The following AFF1 variants were observed in gnomAD, a reference collection of about 807,000 sequenced individuals.
AFF1 encodes the protein AF4/FMR2 family member 1.
A neutral mutation model predicts 121.7 loss-of-function variants in AFF1; 48 were observed. The ratio of observed to expected loss-of-function variants is 0.39; its 90% CI spans 0.31 to 0.50. The LOEUF (loss-of-function observed/expected upper bound fraction) is 0.50. AFF1 is among the 20% of genes least tolerant of loss of function. The pLI is 0.76. For synonymous variants in AFF1, 613 were observed against 563.0 expected (o/e 1.09, Z -1.26); for missense variants, 1,523 against 1,511.7 (o/e 1.01, Z -0.12).
chr4:87,038,361 A>G (rs1729774471), intron 2 of AFF1, among the ~76,000 whole-genome samples: 1 of 152,222 alleles, frequency 6.6e-6, no homozygotes, highest in Non-Finnish European at 1.5e-5. Flanking sequence ...GCCTTCAGAC[A>G]TGGAGTCACT....
In AFF1 at chr4:87,047,465, C is replaced by T. The variant is rs765920227; in HGVS notation, c.930C>T (p.Ala310=). The T allele has an allele frequency of 1.9e-6, 3 of 1,614,120 alleles. No homozygotes were observed. The South Asian group carries it at 3.3e-5, about 18-fold the overall frequency. ...YVRPMDGQDQ[A]PSESPELKPL... Reference sequence around the variant, plus strand: ...GGCCCATGGATGGTCAAGATCAGGCCCCTAGTGAATCCCCTGAACTGAAAC... The same window carrying T: ...GGCCCATGGATGGTCAAGATCAGGCTCCTAGTGAATCCCCTGAACTGAAAC... Residue 310 remains alanine, a synonymous_variant, in exon 4 of 21, where the codon GCC becomes GCT. Transcript: ENST00000395146.
At chr4:87,066,842 C>T (rs1329636719) in intron 4 of AFF1, among the ~76,000 whole-genome samples, 2 of 152,182 alleles carry the variant, frequency 1.3e-5, no homozygotes, top group African/African-American at 2.4e-5. Context: ...TCATCCTCAT[C>T]CCCTAGAGCC....
intron 4 of AFF1, among the ~76,000 whole-genome samples, chr4:87,049,414 T>TA (rs1731051983): frequency 6.6e-6 from 1 of 152,204 alleles, no homozygotes; most frequent in Non-Finnish European, 1.5e-5. Flanking sequence ...CCTGTTAACT[T>TA]ACTGTTTTCT....
intron 4 of AFF1, among the ~76,000 whole-genome samples, chr4:87,075,097 A>G (rs1157620213): frequency 2.0e-5 from 3 of 152,246 alleles, no homozygotes; most frequent in Non-Finnish European, 2.9e-5. Flanking sequence ...CCTCACTGGT[A>G]TAATCAAAAT....
chr4:87,128,741 T>C (rs1728537254), intron 16 of AFF1, among the ~76,000 whole-genome samples: 1 of 152,248 alleles, frequency 6.6e-6, no homozygotes. Context: ...GTTGATTCCT[T>C]ACCATGCTCA....
intron 1 of AFF1, among the ~76,000 whole-genome samples, chr4:86,941,593 A>G (rs1720462021): frequency 6.6e-6 from 1 of 152,164 alleles, no homozygotes; most frequent in Non-Finnish European, 1.5e-5. Context: ...TGGAGGTTGC[A>G]GTGAGCCAAG....
Position 87,122,295 on chromosome 4 carries a change from A to G in AFF1, c.2467-2742A>G, listed in dbSNP as rs1033291019. On this transcript the variant is annotated intron_variant, in intron 12 of 20. Transcript: ENST00000395146. Reference sequence around the variant, plus strand: ...GGCATAATTAGGTGCTTGATTGACAAGAGAGTTACCAGTACCAGAAGTCAG... The same window carrying G: ...GGCATAATTAGGTGCTTGATTGACAGGAGAGTTACCAGTACCAGAAGTCAG... Among the ~76,000 whole-genome samples the G allele has an allele frequency of 3.9e-5, 6 of 152,224 alleles. No individual in the cohort carries two copies. The East Asian group carries it at 9.6e-4, about 24-fold the overall frequency.
At position 87,115,241 on chromosome 4, in the gene AFF1, A is replaced by G; in HGVS notation, c.2408A>G (p.Lys803Arg). Residue 803 changes from lysine to arginine, a missense_variant, in exon 12 of 21, where the codon AAG becomes AGG. Coordinates refer to ENST00000395146, the MANE Select transcript of AFF1 (RefSeq NM_001166693.3). ...AEDKQPPAGK[K>R]HSSEKRSSDS... The stretch of plus-strand genomic sequence containing the variant: ...GATAAACAGCCGCCCGCAGGGAAGA[A>G]GCACAGCTCTGAGAAGAGGAGCTCA... The G allele has an allele frequency of 6.2e-7, 1 of 1,614,030 alleles. No homozygotes were observed. Among genetic ancestry groups the G allele is most frequent in the Non-Finnish European group, 8.5e-7 (1 of 1,179,954 alleles).
chr4:86,996,536 T>G, intron 2 of AFF1, among the ~76,000 whole-genome samples: 1 of 151,076 alleles, frequency 6.6e-6, no homozygotes, highest in Non-Finnish European at 1.5e-5. Context: ...GCATGCTCGT[T>G]AAGAGTCATC....
At chr4:87,125,780 G>A (rs1578308384) in intron 13 of AFF1, among the ~76,000 whole-genome samples, 1 of 152,212 alleles carries the variant, frequency 6.6e-6, no homozygotes, top group African/African-American at 2.4e-5. Flanking sequence ...GATGTGGAGG[G>A]TGTGTGTCCA....
chr4:86,994,315 G>T (rs1043804627), intron 2 of AFF1, among the ~76,000 whole-genome samples: 1 of 152,206 alleles, frequency 6.6e-6, no homozygotes. Flanking sequence ...GGCCCAGAGC[G>T]GAGTCCTTCA....
intron 5 of AFF1, among the ~76,000 whole-genome samples, chr4:87,087,895 G>T (rs990360257): frequency 6.6e-6 from 1 of 152,086 alleles, no homozygotes; most frequent in Non-Finnish European, 1.5e-5. Context: ...CATTATAATG[G>T]TTCTGTGCCT....
chr4:87,108,368 T>C lies in AFF1; in HGVS notation c.1533+53T>C, dbSNP rs549503311. 5.9e-5 allele frequency: 94 copies of C among 1,585,164 alleles called. No homozygotes were observed. In the Middle Eastern group the frequency reaches 8.3e-4, roughly 14 times the overall value. On this transcript the variant is annotated intron_variant, in intron 11 of 20. Coordinates refer to ENST00000395146, the MANE Select transcript of AFF1 (RefSeq NM_001166693.3). Reference sequence around the variant, plus strand: ...CCTTAGATGGCAGCATTCTGTCCTTTGAAGTTAGAGTCAGTGCTGTGGGCC... The same window carrying C: ...CCTTAGATGGCAGCATTCTGTCCTTCGAAGTTAGAGTCAGTGCTGTGGGCC...
At chr4:87,055,564 T>C (rs1008842508) in intron 4 of AFF1, among the ~76,000 whole-genome samples, 3 of 152,178 alleles carry the variant, frequency 2.0e-5, no homozygotes, top group African/African-American at 7.2e-5. Context: ...TTCAACTCTT[T>C]TGAATCTTCC....
chr4:86,944,556 G>C (rs1350332771), intron 1 of AFF1, among the ~76,000 whole-genome samples: 2 of 152,110 alleles, frequency 1.3e-5, no homozygotes, highest in African/African-American at 4.8e-5. Flanking sequence ...ATGTTAACCA[G>C]GATCGTCTTG....
In AFF1 at chr4:87,047,369, T is replaced by A; in HGVS notation, c.834T>A (p.Ser278=). The change falls in exon 4 of 21, where the codon TCT becomes TCA. Residue 278 remains serine, a synonymous_variant. Transcript: ENST00000395146. ...TGGTGGCCCCTGCCCAGCCGCCTTCTCAGACATTTCCACCTCCCTCCCTCC... is the reference window on the plus strand; with the variant it reads ...TGGTGGCCCCTGCCCAGCCGCCTTCACAGACATTTCCACCTCCCTCCCTCC... ...DSLVAPAQPP[S]QTFPPPSLPS... is the part of the protein sequence containing the mutation. 1 of 1,614,108 alleles carries A rather than the reference T, an allele frequency of 6.2e-7. No homozygotes were observed. Among genetic ancestry groups the A allele is most frequent in the Non-Finnish European group, 8.5e-7 (1 of 1,180,016 alleles).
chr4:87,061,428 C>T (rs907349645), intron 4 of AFF1, among the ~76,000 whole-genome samples: 2 of 152,248 alleles, frequency 1.3e-5, no homozygotes, highest in African/African-American at 2.4e-5. Context: ...ATCTCTCAAT[C>T]TCTTACTCCC....
chr4:86,989,664 C>A lies in AFF1; in HGVS notation c.38+41093C>A, dbSNP rs373284919. On this transcript the variant is annotated intron_variant, in intron 2 of 20. Transcript: ENST00000395146. ...CAGAAATATCATTTGACCCAGCAAT[C>A]CCATTACTTGGGTATATACCCAAAG... Among the ~76,000 whole-genome samples the A allele has an allele frequency of 1.3e-5, 2 of 152,170 alleles. 1 individual carries two copies. The highest frequency in any genetic ancestry group is 3.8e-4 in the East Asian group (2 of 5,198).
At chr4:87,028,261 C>T (rs340642) in intron 2 of AFF1, among the ~76,000 whole-genome samples, 96,081 of 151,704 alleles carry the variant, frequency 0.63, 33,295 homozygotes, top group South Asian at 0.8. Context: ...TATACTGTCC[C>T]GTAAATAGCT....
Sources: gnomAD v4.1 joint callset for allele counts (sites outside exome capture counted in the v4.1 genomes callset) on GRCh38, gnomAD v4.1.1 for gene constraint, MANE v1.5 for transcripts, NCBI Gene and HGNC (gene_info 2026-07-23, HGNC 2026-07-21) for gene names.